The following DTNA variants were observed in gnomAD, a reference collection of about 807,000 sequenced individuals.
DTNA encodes dystrophin-related protein 3.
In DTNA, 43 loss-of-function variants were observed where a neutral mutation model predicts 100.7. The ratio of observed to expected loss-of-function variants is 0.43; its 90% CI spans 0.33 to 0.55. DTNA has a LOEUF of 0.55. Ranked by LOEUF, DTNA falls within the 20% of genes least tolerant of loss-of-function variation. The pLI, the probability that DTNA is intolerant of heterozygous loss-of-function variation, is 0.04. For missense variants in DTNA, 798 were observed against 953.9 expected (o/e 0.84, Z 2.15); for synonymous variants, 349 against 347.9 (o/e 1.00, Z -0.04).
chr18:34,734,751 A>T (rs761154511), intron 1 of DTNA, among the ~76,000 whole-genome samples: 10 of 152,316 alleles, frequency 6.6e-5, no homozygotes, highest in Admixed American at 6.5e-4. Flanking sequence ...CAAAGGTATT[A>T]TGTATAGAGT....
intron 1 of DTNA, among the ~76,000 whole-genome samples, chr18:34,541,617 T>G (rs570188037): frequency 4.8e-4 from 73 of 152,212 alleles, no homozygotes; most frequent in African/African-American, 1.7e-3. Context: ...TAAACCACTT[T>G]CCTTTATAAA....
At chr18:34,518,268 T>C (rs1412308341) in intron 1 of DTNA, among the ~76,000 whole-genome samples, 1 of 152,158 alleles carries the variant, frequency 6.6e-6, no homozygotes, top group Non-Finnish European at 1.5e-5. Context: ...GCCCATTTTC[T>C]AATTGGATTG....
At chr18:34,549,490 T>C (rs2045170559) in intron 1 of DTNA, among the ~76,000 whole-genome samples, 1 of 152,116 alleles carries the variant, frequency 6.6e-6, no homozygotes, top group Non-Finnish European at 1.5e-5. Context: ...ACAAAGTTCC[T>C]GGACTGCATC....
intron 22 of DTNA, among the ~76,000 whole-genome samples, chr18:34,887,454 A>G (rs542472979): frequency 6.6e-6 from 1 of 152,322 alleles, no homozygotes; most frequent in South Asian, 2.1e-4. Flanking sequence ...CACTGGTTTT[A>G]TCTCTTTGTC....
chr18:34,879,512 T>TAAC (rs1432283943), intron 19 of DTNA, 39 bp from the exon 20 acceptor site: 9 of 1,610,532 alleles, frequency 5.6e-6, no homozygotes, highest in Non-Finnish European at 7.6e-6. Flanking sequence ...TAAAAAAATC[T>TAAC]AACGAGTCAT....
At chr18:34,773,132 T>G (rs889593204) in intron 3 of DTNA, among the ~76,000 whole-genome samples, 6 of 152,202 alleles carry the variant, frequency 3.9e-5, no homozygotes, top group African/African-American at 1.4e-4. Flanking sequence ...TTTCAGTGAC[T>G]CACGTGTTTA....
chr18:34,639,000 T>C (rs2058964273), intron 1 of DTNA, among the ~76,000 whole-genome samples: 1 of 152,082 alleles, frequency 6.6e-6, no homozygotes, highest in African/African-American at 2.4e-5. Flanking sequence ...TGCCACCATG[T>C]CCGGCTAATT....
At chr18:34,704,901 CTG>C (rs1363395934) in intron 1 of DTNA, among the ~76,000 whole-genome samples, 1 of 152,110 alleles carries the variant, frequency 6.6e-6, no homozygotes, top group African/African-American at 2.4e-5. Flanking sequence ...TTCCCTTTAG[CTG>C]AGAGAGAATA....
chr18:34,502,294 T>C (rs1328034787), intron 1 of DTNA, among the ~76,000 whole-genome samples: 1 of 152,222 alleles, frequency 6.6e-6, no homozygotes, highest in African/African-American at 2.4e-5. Context: ...TTCAATTTTA[T>C]TCACTTTTAA....
At chr18:34,720,789 C>CT (rs2085133283) in intron 1 of DTNA, among the ~76,000 whole-genome samples, 1 of 152,152 alleles carries the variant, frequency 6.6e-6, no homozygotes, top group East Asian at 1.9e-4. Context: ...TGGGGAATCT[C>CT]TCTCTAGAGG....
In DTNA at chr18:34,576,283, A is replaced by C. The variant is rs559316145; in HGVS notation, c.-2+82769A>C. On this transcript the variant is annotated intron_variant, in intron 1 of 19. Coordinates refer to the DTNA transcript ENST00000283365. ...TCTGATTGAGAATGTCCTATTGGTCACTGTAGTCTTCCAGGAACCCAGAAT... is the reference window on the plus strand; with the variant it reads ...TCTGATTGAGAATGTCCTATTGGTCCCTGTAGTCTTCCAGGAACCCAGAAT... 8.5e-5 allele frequency among the ~76,000 whole-genome samples: 13 copies of C among 152,314 alleles called. No individual in the cohort carries two copies. The South Asian group carries it at 1.0e-3, about 12-fold the overall frequency.
intron 4 of DTNA, among the ~76,000 whole-genome samples, chr18:34,805,564 A>T (rs1226925854): frequency 3.9e-5 from 6 of 152,134 alleles, no homozygotes; most frequent in Admixed American, 3.9e-4. Context: ...ACCTCCAGTG[A>T]TCTGCCCACC....
At chr18:34,696,730 C>T (rs1045714562) in intron 1 of DTNA, among the ~76,000 whole-genome samples, 1 of 152,226 alleles carries the variant, frequency 6.6e-6, no homozygotes, top group Middle Eastern at 3.4e-3. Context: ...AGACATTTCA[C>T]TGTTTGGAAA....
At chr18:34,820,321 A>G (rs1225582529) in intron 8 of DTNA, among the ~76,000 whole-genome samples, 1 of 152,106 alleles carries the variant, frequency 6.6e-6, no homozygotes, top group Non-Finnish European at 1.5e-5. Flanking sequence ...TCCTTCTAGA[A>G]TCAGGTCTGA....
At chr18:34,717,571 A>AT (rs137951267) in intron 1 of DTNA, among the ~76,000 whole-genome samples, 18 of 151,666 alleles carry the variant, frequency 1.2e-4, no homozygotes, top group African/African-American at 4.1e-4. Context: ...TTTCTCATTT[A>AT]TTTTTTTTAA....
At chr18:34,592,240 T>C (rs2049810469) in intron 1 of DTNA, among the ~76,000 whole-genome samples, 1 of 152,134 alleles carries the variant, frequency 6.6e-6, no homozygotes, top group African/African-American at 2.4e-5. Flanking sequence ...TTGTGTGGTC[T>C]GTAGAATTGC....
intron 1 of DTNA, among the ~76,000 whole-genome samples, chr18:34,660,002 T>G (rs2074964539): frequency 6.6e-6 from 1 of 152,242 alleles, no homozygotes; most frequent in East Asian, 1.9e-4. Context: ...ATTGAGCTTT[T>G]AAAAGCAATT....
intron 6 of DTNA, among the ~76,000 whole-genome samples, chr18:34,812,315 C>T (rs1485932754): frequency 6.6e-6 from 1 of 152,180 alleles, no homozygotes; most frequent in Admixed American, 6.5e-5. Flanking sequence ...ACAGTGTTTA[C>T]TGACCATGAG....
At chr18:34,574,738 C>A (rs2146507090) in intron 1 of DTNA, among the ~76,000 whole-genome samples, 1 of 152,166 alleles carries the variant, frequency 6.6e-6, no homozygotes, top group Non-Finnish European at 1.5e-5. Context: ...CTCAAGTGAT[C>A]CTCCCACCTC....
Sources: allele counts gnomAD v4.1 joint callset (sites outside exome capture counted in the v4.1 genomes callset), GRCh38; gene constraint gnomAD v4.1.1; transcripts MANE v1.5; gene names NCBI Gene and HGNC (gene_info 2026-07-23, HGNC 2026-07-21).